PTK2: variants seen among roughly 807,000 people sequenced by gnomAD.
PTK2 encodes focal adhesion kinase 1.
PTK2 carries 45 observed loss-of-function variants against 150.1 expected under a neutral mutation model. The observed-to-expected ratio is 0.30, with a 90% CI of 0.24 to 0.38. The LOEUF is 0.38. Among genes scored for constraint, PTK2 ranks in the 10% least tolerant of loss-of-function variants. PTK2 has a pLI of 1.00. For synonymous variants in PTK2, 432 were observed against 449.2 expected, an observed-to-expected ratio of 0.96 and a Z score of 0.48; for missense variants, 919 against 1,307.3, an observed-to-expected ratio of 0.70 and a Z score of 4.58.
At chr8:140,782,254 T>TTTTTGG (rs567880304) in intron 14 of PTK2, among the ~76,000 whole-genome samples, 1 of 138,088 alleles carries the variant, frequency 7.2e-6, no homozygotes, top group African/African-American at 2.8e-5. Context: ...TTTTTTTTTT[T>TTTTTGG]GGGGGGGGGG....
At chr8:140,672,547 C>T (rs1399466016) in intron 29 of PTK2, among the ~76,000 whole-genome samples, 1 of 152,172 alleles carries the variant, frequency 6.6e-6, no homozygotes, top group Non-Finnish European at 1.5e-5. Context: ...AGAGGCATCC[C>T]TAGCCCAGTT....
intron 2 of PTK2, among the ~76,000 whole-genome samples, chr8:140,901,228 A>ATCTC (rs57637314): frequency 2.7e-5 from 4 of 150,186 alleles, no homozygotes; most frequent in East Asian, 1.9e-4. Flanking sequence ...ATGAAATTAC[A>ATCTC]TCTCTCTCTC....
At chr8:140,962,459 A>G (rs1020949989) in intron 1 of PTK2, among the ~76,000 whole-genome samples, 3 of 152,162 alleles carry the variant, frequency 2.0e-5, no homozygotes, top group Admixed American at 6.5e-5. Flanking sequence ...TGCCTACTAC[A>G]AACACACATA....
intron 11 of PTK2, among the ~76,000 whole-genome samples, chr8:140,800,810 C>G (rs1672676842): frequency 6.6e-6 from 1 of 152,166 alleles, no homozygotes; most frequent in Admixed American, 6.5e-5. Context: ...AACTGGGGCT[C>G]ACTTTCTAGA....
At chr8:140,850,743 A>G (rs1023813635) in intron 5 of PTK2, among the ~76,000 whole-genome samples, 2 of 151,658 alleles carry the variant, frequency 1.3e-5, no homozygotes, top group Non-Finnish European at 1.5e-5. Flanking sequence ...AAAGAAAAAG[A>G]AAAAAAAACT....
At chr8:140,755,246 T>C (rs2100064940) in intron 16 of PTK2, among the ~76,000 whole-genome samples, 1 of 152,088 alleles carries the variant, frequency 6.6e-6, no homozygotes, top group Non-Finnish European at 1.5e-5. Context: ...AGCCTGATAA[T>C]CTTGCCTAAT....
chr8:140,693,797 A>C (rs1468589466), intron 26 of PTK2, among the ~76,000 whole-genome samples: 1 of 152,092 alleles, frequency 6.6e-6, no homozygotes, highest in East Asian at 1.9e-4. Context: ...ATAAAAAATG[A>C]TGTGATGATG....
At chr8:140,846,135 C>T in intron 7 of PTK2, 125 bp downstream of exon 7, 1 of 691,786 alleles carries the variant, frequency 1.4e-6, no homozygotes, top group Non-Finnish European at 2.3e-6. Flanking sequence ...GGATTCTGTC[C>T]TTTTCCTCTT....
chr8:140,987,188 T>A (rs12677869), intron 1 of PTK2, among the ~76,000 whole-genome samples: 20 of 152,314 alleles, frequency 1.3e-4, no homozygotes, highest in African/African-American at 4.1e-4. Flanking sequence ...CACCTTTTTT[T>A]AAAATTTTCT....
At chr8:140,732,540 T>C (rs373727000) in intron 22 of PTK2, 149 of 527,076 alleles carry the variant, frequency 2.8e-4, no homozygotes, top group Non-Finnish European at 4.6e-4. Context: ...GCTAGGCTAC[T>C]GGCCTGGAGG....
intron 14 of PTK2, among the ~76,000 whole-genome samples, chr8:140,783,130 AC>A (rs1173013504): frequency 1.3e-5 from 2 of 152,098 alleles, no homozygotes; most frequent in Non-Finnish European, 2.9e-5. Flanking sequence ...AGTCCCAGCT[AC>A]TTGGGAAGCT....
At chr8:140,734,861 G>A (rs770829836) in intron 22 of PTK2, 10 of 464,300 alleles carry the variant, frequency 2.2e-5, no homozygotes, top group South Asian at 3.2e-5. Context: ...ATGTGAAAAC[G>A]CAGTGAGCTG....
intron 1 of PTK2, among the ~76,000 whole-genome samples, chr8:140,998,724 C>T (rs538540262): frequency 5.5e-4 from 82 of 149,408 alleles, no homozygotes; most frequent in Middle Eastern, 7.0e-3. Context: ...GAGGCTGAAG[C>T]AGGAGAATGG....
At chr8:140,959,998 C>A (rs934949286) in intron 1 of PTK2, among the ~76,000 whole-genome samples, 52 of 148,974 alleles carry the variant, frequency 3.5e-4, no homozygotes, top group Non-Finnish European at 6.4e-4. Context: ...ACTGGGCAAA[C>A]AGTGAGACTC....
At chr8:140,793,451 A>C in intron 12 of PTK2, 67 bp from the exon 13 acceptor site, 5 of 1,558,032 alleles carry the variant, frequency 3.2e-6, no homozygotes, top group Non-Finnish European at 4.4e-6. Flanking sequence ...GGTGCCTAGA[A>C]TCAGGGAGGA....
exon 5 of PTK2, chr8:140,864,369 T>A: frequency 6.3e-7 from 1 of 1,595,820 alleles, no homozygotes. Flanking sequence ...TTAGAAATCC[T>A]TTTGGCAAAT....
At chr8:140,669,850 G>C in intron 29 of PTK2, 115 bp from the exon 33 acceptor site, 1 of 1,195,010 alleles carries the variant, frequency 8.4e-7, no homozygotes, top group East Asian at 2.6e-5. Flanking sequence ...CACATGAGCA[G>C]AACAAAAAGG....
At chr8:140,856,922 A>G (rs1489299717) in intron 5 of PTK2, among the ~76,000 whole-genome samples, 2 of 152,246 alleles carry the variant, frequency 1.3e-5, no homozygotes. Flanking sequence ...AAAAACAGTT[A>G]TGTGATAAAG....
At chr8:140,999,728 T>C (rs1272446545) in intron 1 of PTK2, among the ~76,000 whole-genome samples, 2 of 152,242 alleles carry the variant, frequency 1.3e-5, no homozygotes, top group African/African-American at 4.8e-5. Flanking sequence ...ATCATTTTCA[T>C]TACCCGTTTC....
Sources: gnomAD v4.1 joint callset for allele counts (sites outside exome capture counted in the v4.1 genomes callset) on GRCh38, gnomAD v4.1.1 for gene constraint, MANE v1.5 for transcripts, NCBI Gene and HGNC (gene_info 2026-07-23, HGNC 2026-07-21) for gene names.